PCDH17: variants seen among roughly 807,000 people sequenced by gnomAD.
PCDH17 encodes the protein protocadherin-17.
PCDH17 carries 21 observed loss-of-function variants against 67.7 expected under a neutral mutation model. The ratio of observed to expected loss-of-function variants is 0.31; its 90% CI spans 0.22 to 0.45. The LOEUF is 0.45. Among genes scored for constraint, PCDH17 ranks in the 20% least tolerant of loss-of-function variants. PCDH17 has a pLI of 1.00. For missense variants in PCDH17, 1,471 were observed against 1,564.8 expected, an observed-to-expected ratio of 0.94 and a Z score of 1.01; for synonymous variants, 701 against 656.7, an observed-to-expected ratio of 1.07 and a Z score of -1.03.
At chr13:57,683,321 G>C (rs1417283965) in intron 3 of PCDH17, among the ~76,000 whole-genome samples, 1 of 151,872 alleles carries the variant, frequency 6.6e-6, no homozygotes, top group Non-Finnish European at 1.5e-5. Context: ...CAGTTGGGCT[G>C]TTAAGTAGTA....
At chr13:57,672,600 C>T (rs1022588982) in intron 3 of PCDH17, among the ~76,000 whole-genome samples, 1 of 151,946 alleles carries the variant, frequency 6.6e-6, no homozygotes, top group Non-Finnish European at 1.5e-5. Flanking sequence ...ATGTGTGGAA[C>T]CACACATTCA....
At position 57,642,954 on chromosome 13, in the gene PCDH17, T is replaced by C. The variant is rs1046213931; in HGVS notation, c.2565+7843T>C. Among the ~76,000 whole-genome samples the C allele has an allele frequency of 2.6e-5, 4 of 151,622 alleles. 1 individual carries two copies. Among genetic ancestry groups the C allele is most frequent in the Non-Finnish European group, 5.9e-5 (4 of 67,622 alleles). On this transcript the variant is annotated intron_variant, in intron 1 of 3. Transcript: ENST00000377918. ...AGTTTTGAACATCTAAAAGTAGTTT[T>C]CACCCTTAATCTACAACATTCTTTT... is the stretch of plus-strand genomic sequence containing the variant.
intron 1 of PCDH17, among the ~76,000 whole-genome samples, chr13:57,644,723 A>G: frequency 6.6e-6 from 1 of 151,582 alleles, no homozygotes; most frequent in East Asian, 1.9e-4. Flanking sequence ...AGGTTATGTC[A>G]GTTTTTCCGT....
Position 57,708,028 on chromosome 13 carries a change from C to T in PCDH17, c.2798-16584C>T, listed in dbSNP as rs555406551. 9.2e-5 allele frequency among the ~76,000 whole-genome samples: 14 copies of T among 152,132 alleles called. No individual in the cohort carries two copies. The South Asian group carries it at 2.9e-3, about 32-fold the overall frequency. On this transcript the variant is annotated intron_variant, in intron 3 of 3. Coordinates refer to ENST00000377918, the MANE Select transcript of PCDH17 (RefSeq NM_001040429.3). ...GGGGGGCAGTATCCAATCAAGTACA[C>T]AGCCTATAGCTGTTTTTTCTTCAAC...
Position 57,632,667 on chromosome 13 carries a change from G to C in PCDH17, c.121G>C (p.Asp41His). The change falls in exon 1 of 4, where the codon GAT becomes CAT. Residue 41 changes from aspartate (D) to histidine (H), a missense_variant. Asp to His is a moderately conservative substitution (Grantham distance 81). Transcript: ENST00000377918. ...CACGGTGATCGGGAACATCGGCAGG[G>C]ATGCTCGACTGCAGCCTGGGCTTCC... ...AGTVIGNIGR[D>H]ARLQPGLPPA... 1 of 1,612,080 alleles carries C rather than the reference G, an allele frequency of 6.2e-7. No individual in the cohort carries two copies.
Position 57,725,516 on chromosome 13 carries a change from G to A in PCDH17, c.*222G>A, listed in dbSNP as rs1955909326. ...TTTTGACCAAACTTGTATTAGGACA[G>A]AATTAATGATGCTTAAAGAGAAAAG... On this transcript the variant is annotated 3_prime_UTR_variant, in exon 4 of 4. Coordinates refer to ENST00000377918, the MANE Select transcript of PCDH17 (RefSeq NM_001040429.3). 5 of 466,064 alleles carry A rather than the reference G, an allele frequency of 1.1e-5. No individual in the cohort carries two copies. The highest frequency in any genetic ancestry group is 4.4e-5 in the South Asian group (1 of 22,970). 28.9% of individuals were successfully genotyped at this position (466,064 alleles called of 1,614,324 possible). A position where few individuals can be genotyped will look rare whatever the true frequency, so the allele number is the denominator to read the frequency against.
At chr13:57,673,606 T>C (rs1017179676) in intron 3 of PCDH17, among the ~76,000 whole-genome samples, 1 of 151,992 alleles carries the variant, frequency 6.6e-6, no homozygotes, top group Non-Finnish European at 1.5e-5. Flanking sequence ...AGCTTATTAA[T>C]AGTAAATTTG....
chr13:57,661,150 T>C (rs914750656), intron 1 of PCDH17, among the ~76,000 whole-genome samples: 1 of 152,212 alleles, frequency 6.6e-6, no homozygotes, highest in Admixed American at 6.5e-5. Context: ...TTGTTCCACA[T>C]CCTCATCAGC....
At position 57,634,986 on chromosome 13, in the gene PCDH17, A is replaced by C. The variant is rs1954802131; in HGVS notation, c.2440A>C (p.Met814Leu). The C allele has an allele frequency of 6.2e-7, 1 of 1,613,660 alleles. No individual in the cohort carries two copies. Among genetic ancestry groups the C allele is most frequent in the Non-Finnish European group, 8.5e-7 (1 of 1,179,980 alleles). Residue 814 changes from methionine to leucine, a missense_variant, in exon 1 of 4, where the codon ATG becomes CTG. This residue lies in a region of PCDH17 where 1,163 missense variants were observed against 1,230.0 expected (regional missense o/e 0.95). Transcript: ENST00000377918. This position sits in a 1 kb window ranked among gnomAD's most constrained non-coding sequence, Gnocchi z 7.8. ...CCTCAGCTCGCCCCGGTCGGAGGTG[A>C]TGTATCTCAAACCGGCCTCCAACAA... is the stretch of plus-strand genomic sequence containing the variant. ...LPLSSPRSEVMYLKPASNNLT... is the reference protein window; with the variant it reads ...LPLSSPRSEVLYLKPASNNLT...
chr13:57,702,723 C>A (rs938109913), intron 3 of PCDH17, among the ~76,000 whole-genome samples: 2 of 152,274 alleles, frequency 1.3e-5, no homozygotes, highest in Non-Finnish European at 2.9e-5. Flanking sequence ...CAGTATGACA[C>A]GCAACTGCAT....
chr13:57,698,360 A>G (rs1363542307), intron 3 of PCDH17, among the ~76,000 whole-genome samples: 1 of 151,794 alleles, frequency 6.6e-6, no homozygotes, highest in Non-Finnish European at 1.5e-5. Context: ...AACAAACTTT[A>G]CCTGTTGGCC....
intron 3 of PCDH17, among the ~76,000 whole-genome samples, chr13:57,692,543 C>A (rs940304695): frequency 4.0e-5 from 6 of 151,096 alleles, no homozygotes; most frequent in Non-Finnish European, 8.9e-5. Flanking sequence ...TATATAAGAG[C>A]ATCTGGGAAT....
intron 3 of PCDH17, among the ~76,000 whole-genome samples, chr13:57,679,066 A>T (rs1593921468): frequency 6.6e-6 from 1 of 151,652 alleles, no homozygotes; most frequent in East Asian, 2.0e-4. Context: ...AGGGTAAACT[A>T]ATAATATAAG....
At chr13:57,665,000 G>T (rs1253948542) in intron 1 of PCDH17, among the ~76,000 whole-genome samples, 2 of 152,136 alleles carry the variant, frequency 1.3e-5, no homozygotes, top group Non-Finnish European at 2.9e-5. Context: ...GCTACCAACT[G>T]CTAGTAAAAG....
At chr13:57,694,114 T>C (rs1955584838) in intron 3 of PCDH17, among the ~76,000 whole-genome samples, 1 of 151,160 alleles carries the variant, frequency 6.6e-6, no homozygotes, top group South Asian at 2.1e-4. Context: ...CTACCTTGAT[T>C]TGGCAAAGTT....
intron 3 of PCDH17, among the ~76,000 whole-genome samples, chr13:57,704,305 T>G (rs1955695900): frequency 1.3e-5 from 2 of 152,248 alleles, no homozygotes; most frequent in East Asian, 3.9e-4. Context: ...TCTTCATGAC[T>G]TTTTGGTAGG....
rs143907952 is a variant in PCDH17, at chr13:57,721,579, C to A, written c.2798-3033C>A. Among the ~76,000 whole-genome samples, 31 of 152,168 alleles carry A rather than the reference C, an allele frequency of 2.0e-4. No individual in the cohort carries two copies. The East Asian group carries it at 5.0e-3, about 25-fold the overall frequency. ...TTATACACACTTAACTTATTGAGGG[C>A]ACTTAAAAATGTGCAATAGAAGGTA... On this transcript the variant is annotated intron_variant, in intron 3 of 3. Transcript: ENST00000377918.
chr13:57,654,746 A>G (rs1955083257), intron 1 of PCDH17, among the ~76,000 whole-genome samples: 1 of 152,046 alleles, frequency 6.6e-6, no homozygotes, highest in South Asian at 2.1e-4. Flanking sequence ...TGAGGTATAA[A>G]TGTCTACCTA....
chr13:57,695,378 T>C (rs1955597173), intron 3 of PCDH17, among the ~76,000 whole-genome samples: 1 of 150,662 alleles, frequency 6.6e-6, no homozygotes, highest in South Asian at 2.1e-4. Context: ...GGAGTTTTCA[T>C]ATGAAGGCAC....
Sources: allele counts gnomAD v4.1 joint callset (sites outside exome capture counted in the v4.1 genomes callset), GRCh38; gene constraint gnomAD v4.1.1; regional missense constraint gnomAD v4.1.1; non-coding constraint Gnocchi (gnomAD v3.1); transcripts MANE v1.5; gene names NCBI Gene and HGNC (gene_info 2026-07-23, HGNC 2026-07-21).